The following TMEM163 variants were observed in gnomAD, a reference collection of about 807,000 sequenced individuals.
TMEM163 encodes the protein transmembrane protein 163.
Under a neutral mutation model 29.3 loss-of-function variants are expected in TMEM163, and 17 were observed. The ratio of observed to expected loss-of-function variants is 0.58; its 90% CI spans 0.40 to 0.87. The LOEUF is 0.87. Ranked by LOEUF, TMEM163 falls within the 40% of genes least tolerant of loss-of-function variation. TMEM163 has a pLI of 0.00. For synonymous variants in TMEM163, 157 were observed against 160.6 expected (o/e 0.98, Z 0.17); for missense variants, 303 against 381.5 (o/e 0.79, Z 1.71).
intron 2 of TMEM163, among the ~76,000 whole-genome samples, chr2:134,695,882 C>A (rs1684569148): frequency 6.6e-6 from 1 of 152,050 alleles, no homozygotes; most frequent in African/African-American, 2.4e-5. Flanking sequence ...GAAACCCCGT[C>A]TCTACTAAAA....
intron 2 of TMEM163, among the ~76,000 whole-genome samples, chr2:134,559,294 A>C (rs1229425477): frequency 6.6e-6 from 1 of 152,116 alleles, no homozygotes; most frequent in Non-Finnish European, 1.5e-5. Flanking sequence ...TGGACCTCAC[A>C]TGTAGGGCAT....
At chr2:134,511,153 C>CAG (rs1553475797) in intron 4 of TMEM163, among the ~76,000 whole-genome samples, 1 of 122,436 alleles carries the variant, frequency 8.2e-6, no homozygotes, top group East Asian at 2.5e-4. Context: ...GAGAACAAGG[C>CAG]GGGGGGGGGT....
In TMEM163 at chr2:134,705,515, GAGGCATGGCCGTC is replaced by G. The variant is rs772667135; in HGVS notation, c.322+7672_322+7684del. Among the ~76,000 whole-genome samples the G allele has an allele frequency of 1.1e-3, 174 of 152,280 alleles. 1 individual carries two copies. The highest frequency in any genetic ancestry group is 6.8e-3 in the Middle Eastern group (2 of 294). On this transcript the variant is annotated intron_variant, in intron 2 of 7. Coordinates refer to ENST00000281924, the MANE Select transcript of TMEM163 (RefSeq NM_030923.5). ...ACTTCCCACATTCGCCAATGGGAAG[GAGGCATGGCCGTC>G]AGGCATGGGAGAAGGTGGACAGGGA...
chr2:134,500,423 C>G lies in TMEM163; in HGVS notation c.555+2478G>C, dbSNP rs113157250. On this transcript the variant is annotated intron_variant, in intron 5 of 7. Transcript: ENST00000281924. ...ACTCAGCCCTCAGCCGAGGAGGAGGCCTTCCCCTCTGGAGATGGGAGCTCA... is the reference window on the plus strand; with the variant it reads ...ACTCAGCCCTCAGCCGAGGAGGAGGGCTTCCCCTCTGGAGATGGGAGCTCA... Among the ~76,000 whole-genome samples, 461 of 152,338 alleles carry G rather than the reference C, an allele frequency of 3.0e-3. 2 individuals are homozygous for G. Among genetic ancestry groups the G allele is most frequent in the African/African-American group, 0.01 (436 of 41,576 alleles).
rs1391999416 is a variant in TMEM163, at chr2:134,519,395, C to A, written c.459-16398G>T. 2.0e-5 allele frequency among the ~76,000 whole-genome samples: 3 copies of A among 152,250 alleles called. No individual in the cohort carries two copies. The East Asian group carries it at 5.8e-4, about 29-fold the overall frequency. ...AAATGAGCAGAGTGGACAAAGGTGG[C>A]ATCAGGGATGTGAGCAAGCTTTAAA... On this transcript the variant is annotated intron_variant, in intron 4 of 7. Transcript: ENST00000281924.
intron 2 of TMEM163, among the ~76,000 whole-genome samples, chr2:134,592,869 G>GAGT (rs1681969378): frequency 6.8e-6 from 1 of 148,094 alleles, no homozygotes; most frequent in Non-Finnish European, 1.5e-5. Context: ...TATTAATATA[G>GAGT]AGATAGATAG....
intron 1 of TMEM163, among the ~76,000 whole-genome samples, chr2:134,714,858 C>T (rs1685003825): frequency 1.3e-5 from 2 of 152,088 alleles, no homozygotes; most frequent in Admixed American, 1.3e-4. Context: ...ATAGCATGTC[C>T]CTTTGTCTAT....
intron 2 of TMEM163, among the ~76,000 whole-genome samples, chr2:134,704,165 A>C (rs1684758201): frequency 6.6e-6 from 1 of 152,096 alleles, no homozygotes; most frequent in Non-Finnish European, 1.5e-5. Context: ...CAGGTGCTCC[A>C]GGGGTATTTC....
rs202080921 is a variant in TMEM163 at position 134,465,210 on chromosome 2, C to A, written c.667+904G>T. Among the ~76,000 whole-genome samples the A allele has an allele frequency of 3.6e-3, 434 of 120,250 alleles. 1 individual carries two copies. The highest frequency in any genetic ancestry group is 0.014 in the Middle Eastern group (3 of 212). 78.9% of individuals were successfully genotyped at this position (120,250 alleles called of 152,430 possible). ...TCTTTAAAAAAAAAAAAAACAAAAA[C>A]AAAACAAAAATATATATATATACAC... On this transcript the variant is annotated intron_variant, in intron 6 of 7. Transcript: ENST00000281924.
chr2:134,528,067 A>C (rs6744633), intron 4 of TMEM163, among the ~76,000 whole-genome samples: 43,070 of 152,070 alleles, frequency 0.28, 6,230 homozygotes, highest in Middle Eastern at 0.4. Flanking sequence ...ACAAGACAGA[A>C]CGAAAAAGAA....
chr2:134,636,698 T>C (rs559473094), intron 2 of TMEM163, among the ~76,000 whole-genome samples: 2 of 152,350 alleles, frequency 1.3e-5, no homozygotes, highest in African/African-American at 4.8e-5. Context: ...GAAATTATGA[T>C]TTAGGAGTCA....
At chr2:134,465,203 A>C (rs1686641540) in intron 6 of TMEM163, among the ~76,000 whole-genome samples, 1 of 130,026 alleles carries the variant, frequency 7.7e-6, no homozygotes, top group Admixed American at 7.3e-5. Context: ...AAAAAAAAAA[A>C]CAAAAACAAA....
chr2:134,526,243 A>G (rs1015340286), intron 4 of TMEM163, among the ~76,000 whole-genome samples: 3 of 152,224 alleles, frequency 2.0e-5, no homozygotes, highest in African/African-American at 7.2e-5. Flanking sequence ...TCTTTTTAAT[A>G]AAAGAAAAGG....
At chr2:134,595,633 T>C (rs897432950) in intron 2 of TMEM163, among the ~76,000 whole-genome samples, 41 of 152,216 alleles carry the variant, frequency 2.7e-4, no homozygotes, top group Non-Finnish European at 4.4e-5. Context: ...ATATACCCAG[T>C]AATTCGATGG....
chr2:134,491,547 G>T (rs879572885), intron 5 of TMEM163, among the ~76,000 whole-genome samples: 3 of 152,088 alleles, frequency 2.0e-5, no homozygotes, highest in Non-Finnish European at 4.4e-5. Context: ...ACACTCCGTG[G>T]ACCAGAAAGC....
At chr2:134,500,076 G>A (rs377410474) in intron 5 of TMEM163, among the ~76,000 whole-genome samples, 1 of 152,200 alleles carries the variant, frequency 6.6e-6, no homozygotes, top group South Asian at 2.1e-4. Flanking sequence ...TGAGTCTTCC[G>A]TACAGCCCAC....
chr2:134,555,679 A>G (rs1320241476), intron 2 of TMEM163, among the ~76,000 whole-genome samples: 1 of 152,240 alleles, frequency 6.6e-6, no homozygotes, highest in African/African-American at 2.4e-5. Flanking sequence ...ATCCAAAAAA[A>G]TGCATGCTTA....
chr2:134,679,489 C>A (rs919408124), intron 2 of TMEM163, among the ~76,000 whole-genome samples: 2 of 152,132 alleles, frequency 1.3e-5, no homozygotes, highest in African/African-American at 4.8e-5. Flanking sequence ...CTGCCTGGCC[C>A]CTGTGAGAAT....
intron 4 of TMEM163, among the ~76,000 whole-genome samples, chr2:134,546,907 A>C (rs189358428): frequency 6.6e-6 from 1 of 152,332 alleles, no homozygotes; most frequent in Non-Finnish European, 1.5e-5. Context: ...ATCCTTGAGG[A>C]CATTATGCTA....
Sources: allele counts gnomAD v4.1 joint callset (sites outside exome capture counted in the v4.1 genomes callset), GRCh38; gene constraint gnomAD v4.1.1; transcripts MANE v1.5; gene names NCBI Gene and HGNC (gene_info 2026-07-23, HGNC 2026-07-21).